Variants in B4GALT1 observed in about 807,000 individuals in gnomAD.
B4GALT1 encodes beta-1,4-galactosyltransferase 1.
A neutral mutation model predicts 34.9 loss-of-function variants in B4GALT1; 16 were observed. The ratio of observed to expected loss-of-function variants is 0.46; its 90% CI spans 0.31 to 0.70. The LOEUF (loss-of-function observed/expected upper bound fraction) is 0.70, where lower values mean the gene tolerates loss of function less well. B4GALT1 is among the 30% of genes least tolerant of loss of function. The pLI, the probability that B4GALT1 is intolerant of heterozygous loss-of-function variation, is 0.05. For missense variants in B4GALT1, 445 were observed against 530.5 expected, an observed-to-expected ratio of 0.84 and a Z score of 1.58; for synonymous variants, 221 against 218.1, an observed-to-expected ratio of 1.01 and a Z score of -0.12.
chr9:33,119,218 A>T (rs1839985331), intron 3 of B4GALT1, among the ~76,000 whole-genome samples: 1 of 152,178 alleles, frequency 6.6e-6, no homozygotes, highest in South Asian at 2.1e-4. Context: ...TTAGGAAACA[A>T]TATACAAGTT....
intron 4 of B4GALT1, among the ~76,000 whole-genome samples, chr9:33,114,746 G>A (rs1564035610): frequency 6.6e-6 from 1 of 152,244 alleles, no homozygotes; most frequent in Non-Finnish European, 1.5e-5. Context: ...GGCAGAACTG[G>A]CTGATCCCAG....
At chr9:33,143,374 C>A (rs1204381759) in intron 1 of B4GALT1, among the ~76,000 whole-genome samples, 1 of 152,254 alleles carries the variant, frequency 6.6e-6, no homozygotes, top group Non-Finnish European at 1.5e-5. Flanking sequence ...GAACCACTGA[C>A]TGACCTCAGT....
intron 2 of B4GALT1, among the ~76,000 whole-genome samples, chr9:33,127,409 C>T (rs1461998724): frequency 6.6e-6 from 1 of 152,222 alleles, no homozygotes. Flanking sequence ...GTTTAAGATA[C>T]AAGTTGGAGA....
chr9:33,113,592 A>C lies in B4GALT1; in HGVS notation c.1065-6T>G, dbSNP rs1362962561. On this transcript the variant is annotated splice_region_variant and splice_polypyrimidine_tract_variant and intron_variant, in intron 5 of 5. Coordinates refer to ENST00000379731, the MANE Select transcript of B4GALT1 (RefSeq NM_001497.4). Reference sequence around the variant, plus strand: ...TGTGTGCAATTCGGTCAAACCTACAAGGAAAAGAGCACAAGGAGATTGTCT... The same window carrying C: ...TGTGTGCAATTCGGTCAAACCTACACGGAAAAGAGCACAAGGAGATTGTCT... 2 of 1,614,120 alleles carry C rather than the reference A, an allele frequency of 1.2e-6. No homozygotes were observed. Among genetic ancestry groups the C allele is most frequent in the African/African-American group, 2.7e-5 (2 of 74,932 alleles).
chr9:33,149,341 C>T (rs1425010327), intron 1 of B4GALT1, among the ~76,000 whole-genome samples: 8 of 151,492 alleles, frequency 5.3e-5, no homozygotes, highest in Non-Finnish European at 8.8e-5. Flanking sequence ...AGTGCAGTGG[C>T]GTGATTTCAG....
At chr9:33,174,979 AAAAAAAAAAAAAT>A in the B4GALT1 span, among the ~76,000 whole-genome samples, 7 of 43,294 alleles carry the variant, frequency 1.6e-4, no homozygotes, top group Non-Finnish European at 3.0e-4. Flanking sequence ...AAAAAAAAAA[AAAAAAAAAAAAAT>A]ATATATATAT....
At chr9:33,173,497 A>G in the B4GALT1 span, among the ~76,000 whole-genome samples, 1 of 152,048 alleles carries the variant, frequency 6.6e-6, no homozygotes, top group Non-Finnish European at 1.5e-5. Context: ...ATAGACAGGG[A>G]GAAAACTAAA....
chr9:33,164,315 C>A (rs965236014), intron 1 of B4GALT1, among the ~76,000 whole-genome samples: 6 of 152,218 alleles, frequency 3.9e-5, no homozygotes, highest in African/African-American at 7.2e-5. Flanking sequence ...CGACTCCCCC[C>A]ACCCACACAC....
intron 2 of B4GALT1, among the ~76,000 whole-genome samples, chr9:33,126,730 G>A (rs558969629): frequency 8.8e-5 from 5 of 56,832 alleles, no homozygotes; most frequent in African/African-American, 2.5e-4. Context: ...CAGTGAGTGA[G>A]AGAGATGGGC....
the B4GALT1 span, among the ~76,000 whole-genome samples, chr9:33,182,886 T>TC: frequency 1.3e-5 from 2 of 152,092 alleles, no homozygotes; most frequent in African/African-American, 4.8e-5. Context: ...AGTGTAAGTC[T>TC]CCAAGTTCCC....
chr9:33,153,082 A>C (rs1840546543), intron 1 of B4GALT1, among the ~76,000 whole-genome samples: 1 of 152,124 alleles, frequency 6.6e-6, no homozygotes, highest in Non-Finnish European at 1.5e-5. Context: ...AAACACGTGA[A>C]AATTTGCTTA....
chr9:33,128,570 T>C (rs1282375174), intron 2 of B4GALT1, among the ~76,000 whole-genome samples: 1 of 152,062 alleles, frequency 6.6e-6, no homozygotes, highest in Admixed American at 6.6e-5. Flanking sequence ...TCCCTGGCCT[T>C]CCCACTCCCA....
At chr9:33,167,742 T>A (rs1037815366), upstream of B4GALT1, among the ~76,000 whole-genome samples, 6 of 152,150 alleles carry the variant, frequency 3.9e-5, no homozygotes, top group Non-Finnish European at 8.8e-5. Context: ...CGGGTGGTTA[T>A]CTGGAGTGGT....
intron 3 of B4GALT1, among the ~76,000 whole-genome samples, chr9:33,118,868 T>C (rs1185182306): frequency 6.8e-6 from 1 of 146,564 alleles, no homozygotes; most frequent in African/African-American, 2.6e-5. Context: ...AGGTTTTTTT[T>C]TTTCTTTCTC....
At chr9:33,168,758 A>T (rs1171417108), upstream of B4GALT1, among the ~76,000 whole-genome samples, 1 of 152,160 alleles carries the variant, frequency 6.6e-6, no homozygotes, top group African/African-American at 2.4e-5. Context: ...ATGATTTATA[A>T]TATCCAAATG....
At chr9:33,181,461 A>ACACACACACACACAC in the B4GALT1 span, among the ~76,000 whole-genome samples, 18 of 65,242 alleles carry the variant, frequency 2.8e-4, no homozygotes, top group East Asian at 2.0e-3. Flanking sequence ...CACACACACA[A>ACACACACACACACAC]ACTATTCTTA....
intron 1 of B4GALT1, among the ~76,000 whole-genome samples, chr9:33,162,880 T>C (rs936080295): frequency 2.0e-5 from 3 of 152,146 alleles, no homozygotes; most frequent in Admixed American, 2.0e-4. Flanking sequence ...AGTTTCACCA[T>C]GAAAGCAAAC....
chr9:33,157,638 C>T (rs1012316052), intron 1 of B4GALT1, among the ~76,000 whole-genome samples: 1 of 151,400 alleles, frequency 6.6e-6, no homozygotes, highest in Admixed American at 6.6e-5. Flanking sequence ...AGCTCTGTTA[C>T]AGAAGTGGGA....
chr9:33,151,622 G>T (rs1840518923), intron 1 of B4GALT1, among the ~76,000 whole-genome samples: 1 of 152,102 alleles, frequency 6.6e-6, no homozygotes, highest in South Asian at 2.1e-4. Flanking sequence ...CATACTTATC[G>T]CATGTTCTTA....
Sources: gnomAD v4.1 joint callset for allele counts (sites outside exome capture counted in the v4.1 genomes callset) on GRCh38, gnomAD v4.1.1 for gene constraint, MANE v1.5 for transcripts, NCBI Gene and HGNC (gene_info 2026-07-23, HGNC 2026-07-21) for gene names.